NAALADL2: variants seen among roughly 807,000 people sequenced by gnomAD.
NAALADL2 encodes the protein N-acetylated alpha-linked acidic dipeptidase like 2.
In NAALADL2, 76 loss-of-function variants were observed where a neutral mutation model predicts 87.2. That is an observed-to-expected ratio of 0.87 (90% confidence interval 0.72 to 1.05). NAALADL2 has a LOEUF of 1.05. NAALADL2 is among the 50% of genes least tolerant of loss of function. The pLI is 0.00. For synonymous variants in NAALADL2, 354 were observed against 331.0 expected (o/e 1.07, Z -0.75); for missense variants, 1,089 against 945.8 (o/e 1.15, Z -1.99).
At chr3:175,082,848 A>G (rs1019977584) in intron 1 of NAALADL2, among the ~76,000 whole-genome samples, 6 of 152,226 alleles carry the variant, frequency 3.9e-5, no homozygotes, top group African/African-American at 7.2e-5. Flanking sequence ...CTATCAGCAG[A>G]TGGACTGAGG....
intron 1 of NAALADL2, among the ~76,000 whole-genome samples, chr3:174,450,481 A>G (rs1437061336): frequency 1.3e-5 from 2 of 152,186 alleles, no homozygotes; most frequent in African/African-American, 4.8e-5. Context: ...TGATCTGGTA[A>G]GTTTCAGATT....
At chr3:174,567,761 T>C (rs980885683) in intron 2 of NAALADL2, among the ~76,000 whole-genome samples, 1 of 151,660 alleles carries the variant, frequency 6.6e-6, no homozygotes, top group Admixed American at 6.6e-5. Context: ...AATGTAAGTA[T>C]TAAATGGAAA....
At chr3:174,717,660 A>G (rs1162867080) in intron 2 of NAALADL2, among the ~76,000 whole-genome samples, 1 of 152,144 alleles carries the variant, frequency 6.6e-6, no homozygotes, top group Non-Finnish European at 1.5e-5. Context: ...ATCATTAGCA[A>G]CCGCCTCTTC....
intron 9 of NAALADL2, among the ~76,000 whole-genome samples, chr3:175,533,529 G>A (rs756220288): frequency 1.3e-5 from 2 of 152,158 alleles, no homozygotes; most frequent in Admixed American, 1.3e-4. Flanking sequence ...CACTACTGGG[G>A]ATGGGGAAGC....
At chr3:175,593,966 G>T (rs911943036) in intron 10 of NAALADL2, among the ~76,000 whole-genome samples, 11 of 145,872 alleles carry the variant, frequency 7.5e-5, no homozygotes, top group African/African-American at 2.5e-4. Context: ...TTTCTTACTT[G>T]ATCATGTTGC....
chr3:175,732,625 TGTGCTTTGAGAAACACAGAA>T (rs1743927470), intron 11 of NAALADL2, among the ~76,000 whole-genome samples: 1 of 152,142 alleles, frequency 6.6e-6, no homozygotes, highest in Non-Finnish European at 1.5e-5. Context: ...ATCCTCATCG[TGTGCTTTGAGAAACACAGAA>T]GTGTTGGGAG....
chr3:174,453,569 C>A (rs1043812109), intron 1 of NAALADL2, among the ~76,000 whole-genome samples: 2 of 152,224 alleles, frequency 1.3e-5, no homozygotes, highest in African/African-American at 4.8e-5. Context: ...ATGGACATTT[C>A]TGTAGAAACC....
chr3:175,592,829 T>G (rs1343058754), intron 10 of NAALADL2, among the ~76,000 whole-genome samples: 1 of 151,748 alleles, frequency 6.6e-6, no homozygotes, highest in African/African-American at 2.4e-5. Flanking sequence ...GCATGGCACA[T>G]GTATACATAT....
intron 3 of NAALADL2, among the ~76,000 whole-genome samples, chr3:174,838,677 A>G (rs1723652133): frequency 1.3e-5 from 2 of 152,362 alleles, no homozygotes; most frequent in East Asian, 1.9e-4. Context: ...TTCATAAATC[A>G]GTAACTCTTC....
intron 1 of NAALADL2, among the ~76,000 whole-genome samples, chr3:174,939,735 T>C (rs1738274001): frequency 6.6e-6 from 1 of 152,106 alleles, no homozygotes; most frequent in Non-Finnish European, 1.5e-5. Context: ...CCTGGTTAGC[T>C]GTATTTCTAG....
At chr3:174,764,653 C>A (rs576702303) in intron 3 of NAALADL2, among the ~76,000 whole-genome samples, 1 of 152,192 alleles carries the variant, frequency 6.6e-6, no homozygotes, top group South Asian at 2.1e-4. Flanking sequence ...GCAAACAAAA[C>A]AAATATCACA....
intron 1 of NAALADL2, among the ~76,000 whole-genome samples, chr3:174,875,215 A>G (rs1728354688): frequency 6.6e-6 from 1 of 151,834 alleles, no homozygotes. Context: ...CATGTTATCA[A>G]CCTCTCCAAT....
At chr3:175,227,358 C>A (rs1744305281) in intron 2 of NAALADL2, among the ~76,000 whole-genome samples, 1 of 151,916 alleles carries the variant, frequency 6.6e-6, no homozygotes, top group Non-Finnish European at 1.5e-5. Context: ...AACATTAATG[C>A]CAAAGTTACT....
intron 4 of NAALADL2, among the ~76,000 whole-genome samples, chr3:175,287,539 G>A (rs1755133437): frequency 6.6e-6 from 1 of 152,144 alleles, no homozygotes; most frequent in African/African-American, 2.4e-5. Flanking sequence ...TACATAACTT[G>A]CCCAGGTTAC....
At chr3:174,733,195 T>A (rs1454157717) in intron 2 of NAALADL2, among the ~76,000 whole-genome samples, 1 of 152,194 alleles carries the variant, frequency 6.6e-6, no homozygotes, top group African/African-American at 2.4e-5. Flanking sequence ...TTTCTTCTAG[T>A]CGCAGTATTC....
At chr3:175,241,880 T>TTTTTTTTTTTTTTA (rs1746974542) in intron 3 of NAALADL2, among the ~76,000 whole-genome samples, 1 of 148,268 alleles carries the variant, frequency 6.7e-6, no homozygotes, top group African/African-American at 2.5e-5. Context: ...TTTTTTTTCT[T>TTTTTTTTTTTTTTA]GAGACAGAGT....
chr3:175,300,758 TA>T (rs1410221809), intron 4 of NAALADL2, among the ~76,000 whole-genome samples: 44 of 131,546 alleles, frequency 3.3e-4, no homozygotes, highest in African/African-American at 1.4e-3. Context: ...TATTTATTTT[TA>T]TTTATTTATT....
chr3:175,615,155 A>C (rs542054456), intron 10 of NAALADL2, among the ~76,000 whole-genome samples: 5 of 152,280 alleles, frequency 3.3e-5, no homozygotes, highest in Admixed American at 2.0e-4. Context: ...TATTATTATC[A>C]TTGTCATTTT....
intron 13 of NAALADL2, among the ~76,000 whole-genome samples, chr3:175,789,699 G>C (rs2108281572): frequency 6.6e-6 from 1 of 152,152 alleles, no homozygotes; most frequent in South Asian, 2.1e-4. Flanking sequence ...GTACAGTTAA[G>C]AACTGCATGC....
Sources: allele counts gnomAD v4.1 joint callset (sites outside exome capture counted in the v4.1 genomes callset), GRCh38; gene constraint gnomAD v4.1.1; transcripts MANE v1.5; gene names NCBI Gene and HGNC (gene_info 2026-07-23, HGNC 2026-07-21).